The following ZIM2 variants were observed in gnomAD, a reference collection of about 807,000 sequenced individuals.
The protein encoded by ZIM2 is zinc finger protein 656.
A neutral mutation model predicts 38.6 loss-of-function variants in ZIM2; 14 were observed. That is an observed-to-expected ratio of 0.36 (90% confidence interval 0.24 to 0.57). ZIM2 has a LOEUF of 0.57. Among genes scored for constraint, ZIM2 ranks in the 20% least tolerant of loss-of-function variants. ZIM2 has a pLI of 0.81. For missense variants in ZIM2, 680 were observed against 695.1 expected, an observed-to-expected ratio of 0.98 and a Z score of 0.24; for synonymous variants, 247 against 245.8, an observed-to-expected ratio of 1.00 and a Z score of -0.04.
intron 2 of ZIM2, 79 bp downstream of exon 2, chr19:56,835,939 T>C: frequency 2.2e-6 from 1 of 463,424 alleles, no homozygotes; most frequent in Admixed American, 2.3e-5. Flanking sequence ...ACATATGCAG[T>C]AGGAAAGTGT....
intron 11 of ZIM2, among the ~76,000 whole-genome samples, chr19:56,779,831 T>G (rs1304784444): frequency 7.1e-6 from 1 of 139,976 alleles, no homozygotes; most frequent in South Asian, 2.3e-4. Flanking sequence ...GGCAGTGTGC[T>G]GAGCTCTACA....
chr19:56,837,814 A>G (rs905878142), intron 1 of ZIM2, among the ~76,000 whole-genome samples: 5 of 150,712 alleles, frequency 3.3e-5, no homozygotes, highest in Non-Finnish European at 5.9e-5. Context: ...CCTGCGCAGT[A>G]CACCTCTGCT....
chr19:56,780,119 G>A (rs2046247903), intron 11 of ZIM2, among the ~76,000 whole-genome samples: 2 of 152,126 alleles, frequency 1.3e-5, no homozygotes, highest in African/African-American at 2.4e-5. Context: ...ATTCACTGAC[G>A]AGTTAATGAA....
chr19:56,824,689 A>G, intron 3 of ZIM2: 4 of 1,567,998 alleles, frequency 2.6e-6, no homozygotes, highest in Non-Finnish European at 3.5e-6. Flanking sequence ...GAGGAACCAA[A>G]CATGAGTCAA....
chr19:56,776,161 G>GA (rs1380134053), intron 12 of ZIM2, among the ~76,000 whole-genome samples: 2 of 149,962 alleles, frequency 1.3e-5, no homozygotes, highest in African/African-American at 4.9e-5. Context: ...GGAAGAAACA[G>GA]AAAAAATATC....
chr19:56,795,733 C>T (rs1408812632), intron 9 of ZIM2, among the ~76,000 whole-genome samples: 1 of 151,950 alleles, frequency 6.6e-6, no homozygotes, highest in African/African-American at 2.4e-5. Flanking sequence ...CCCAGCTACT[C>T]GAGAGGCTGA....
At chr19:56,819,630 C>T (rs543213202) in intron 7 of ZIM2, among the ~76,000 whole-genome samples, 14 of 152,152 alleles carry the variant, frequency 9.2e-5, no homozygotes, top group Non-Finnish European at 1.5e-4. Context: ...GCTATGCAGC[C>T]TTGGGAACGG....
rs140285024 is a variant in ZIM2 at position 56,796,898 on chromosome 19, C to T, written c.491-6947G>A. 5.2e-3 allele frequency among the ~76,000 whole-genome samples: 790 copies of T among 152,258 alleles called. 9 individuals carry two copies. Among genetic ancestry groups the T allele is most frequent in the African/African-American group, 0.018 (758 of 41,546 alleles). Reference sequence around the variant, plus strand: ...TCAGAAAGCAAGCAGACAAACACACCATCTTTGTTTTAAGTTTTTAGGGGT... The same window carrying T: ...TCAGAAAGCAAGCAGACAAACACACTATCTTTGTTTTAAGTTTTTAGGGGT... On this transcript the variant is annotated intron_variant, in intron 9 of 12. Coordinates refer to ENST00000629319, the MANE Select transcript of ZIM2 (RefSeq NM_001387356.1).
intron 12 of ZIM2, among the ~76,000 whole-genome samples, chr19:56,778,459 G>C (rs1411701783): frequency 6.6e-6 from 1 of 152,196 alleles, no homozygotes; most frequent in Admixed American, 6.5e-5. Context: ...TCAGGAAAGG[G>C]ATATAACCCG....
chr19:56,799,087 T>C (rs2047370525), intron 9 of ZIM2: 1 of 152,188 alleles, frequency 6.6e-6, no homozygotes, highest in Non-Finnish European at 1.5e-5. Context: ...AGAAATATCA[T>C]TTGACCCAGC....
Position 56,814,460 on chromosome 19 carries a change from C to T in ZIM2, c.490+3286G>A, listed in dbSNP as rs1293251763. 1.2e-6 allele frequency: 2 copies of T among 1,613,858 alleles called. No homozygotes were observed. Among genetic ancestry groups the T allele is most frequent in the African/African-American group, 1.3e-5 (1 of 75,014 alleles). On this transcript the variant is annotated intron_variant, in intron 9 of 12. Transcript: ENST00000629319. This position sits in a 1 kb window ranked among gnomAD's most constrained non-coding sequence, Gnocchi z 5.8. Reference sequence around the variant, plus strand: ...TCCTTGCATTCATAGAATGGTATAGCTCCTTTGAGGGGCTCAGTAAGAAAT... The same window carrying T: ...TCCTTGCATTCATAGAATGGTATAGTTCCTTTGAGGGGCTCAGTAAGAAAT...
At chr19:56,808,256 T>G (rs904367218) in intron 9 of ZIM2, among the ~76,000 whole-genome samples, 1 of 152,216 alleles carries the variant, frequency 6.6e-6, no homozygotes, top group Non-Finnish European at 1.5e-5. Flanking sequence ...AGAGCTATCC[T>G]GGACAATTCA....
intron 9 of ZIM2, among the ~76,000 whole-genome samples, chr19:56,796,556 C>T (rs969014410): frequency 2.0e-5 from 3 of 152,170 alleles, no homozygotes; most frequent in South Asian, 2.1e-4. Flanking sequence ...CGCTGGAGAG[C>T]GGGTCAGTCC....
chr19:56,789,817 T>C, intron 10 of ZIM2, 55 bp downstream of exon 10: 1 of 1,401,928 alleles, frequency 7.1e-7, no homozygotes, highest in Admixed American at 2.2e-5. Flanking sequence ...GTCCACAAAT[T>C]AGGAAGATAA....
At chr19:56,809,062 G>A (rs529810436) in intron 9 of ZIM2, among the ~76,000 whole-genome samples, 1 of 152,268 alleles carries the variant, frequency 6.6e-6, no homozygotes, top group East Asian at 1.9e-4. Context: ...GGAAGGAATT[G>A]CCCAAGAGTA....
intron 10 of ZIM2, among the ~76,000 whole-genome samples, chr19:56,789,129 C>T (rs2046789963): frequency 6.6e-6 from 1 of 151,938 alleles, no homozygotes; most frequent in African/African-American, 2.4e-5. Context: ...GGATAAACAA[C>T]AGTTTTTTAC....
intron 9 of ZIM2, chr19:56,810,955 A>G: frequency 1.0e-6 from 1 of 971,392 alleles, no homozygotes; most frequent in South Asian, 4.8e-5. Flanking sequence ...TTAAAGTGAA[A>G]GTATTTAACC....
chr19:56,839,699 G>A (rs1181490667), intron 1 of ZIM2, among the ~76,000 whole-genome samples: 1 of 151,764 alleles, frequency 6.6e-6, no homozygotes, highest in Non-Finnish European at 1.5e-5. Context: ...GGCTGGAACA[G>A]ACCATTACAT....
intron 9 of ZIM2, chr19:56,812,513 AG>A: frequency 1.0e-6 from 1 of 985,730 alleles, no homozygotes; most frequent in Non-Finnish European, 1.2e-6. Flanking sequence ...TAAGGATACT[AG>A]CTCCTGGGCA....
Sources: gnomAD v4.1 joint callset for allele counts (sites outside exome capture counted in the v4.1 genomes callset) on GRCh38, gnomAD v4.1.1 for gene constraint, Gnocchi (gnomAD v3.1) non-coding constraint, MANE v1.5 for transcripts, NCBI Gene and HGNC (gene_info 2026-07-23, HGNC 2026-07-21) for gene names.